SEPTIN10: variants seen among roughly 807,000 people sequenced by gnomAD.
The protein encoded by SEPTIN10 is septin 10.
In SEPTIN10, 66 loss-of-function variants were observed where a neutral mutation model predicts 54.8. That is an observed-to-expected ratio of 1.21 (90% CI 0.99 to 1.48). The LOEUF (loss-of-function observed/expected upper bound fraction) is 1.48. Ranked by LOEUF, SEPTIN10 falls within the 40% of genes most tolerant of loss-of-function variation. The pLI, the probability that SEPTIN10 is intolerant of heterozygous loss-of-function variation, is 0.00. For missense variants in SEPTIN10, 620 were observed against 545.6 expected (o/e 1.14, Z -1.36); for synonymous variants, 161 against 181.0 (o/e 0.89, Z 0.89).
chr2:109,569,564 A>G (rs1222689834), intron 5 of SEPTIN10, among the ~76,000 whole-genome samples: 1 of 152,168 alleles, frequency 6.6e-6, no homozygotes, highest in South Asian at 2.1e-4. Flanking sequence ...CAAGGAGAGA[A>G]ATTTTTTCTG....
intron 4 of SEPTIN10, among the ~76,000 whole-genome samples, chr2:109,579,479 G>T (rs1690573484): frequency 6.6e-6 from 1 of 151,716 alleles, no homozygotes; most frequent in Non-Finnish European, 1.5e-5. Flanking sequence ...TGCCTCCTGG[G>T]TTCAAGTGGT....
At chr2:109,596,830 A>G (rs1443024487) in intron 1 of SEPTIN10, among the ~76,000 whole-genome samples, 1 of 152,216 alleles carries the variant, frequency 6.6e-6, no homozygotes, top group Non-Finnish European at 1.5e-5. Flanking sequence ...AATGAGTCAC[A>G]TTAAAGTAAT....
In SEPTIN10 at chr2:109,544,229, C is replaced by G. The variant is rs1156554662; in HGVS notation, c.*80G>C. 6.2e-7 allele frequency: 1 copy of G among 1,611,272 alleles called. No homozygotes were observed. The highest frequency in any genetic ancestry group is 1.3e-5 in the African/African-American group (1 of 74,846). On this transcript the variant is annotated 3_prime_UTR_variant, in exon 11 of 11. Transcript: ENST00000397712. ...ATAGAAGTGATAAAACAAATAACAG[C>G]AAAATCAAAGCACACTTCTAGTTTT...
intron 1 of SEPTIN10, among the ~76,000 whole-genome samples, chr2:109,610,469 C>G (rs1159841774): frequency 6.6e-6 from 1 of 152,116 alleles, no homozygotes; most frequent in Non-Finnish European, 1.5e-5. Context: ...AATCCCAACA[C>G]TTCGGGAGAC....
intron 2 of SEPTIN10, among the ~76,000 whole-genome samples, chr2:109,588,477 T>C (rs1693116142): frequency 6.6e-6 from 1 of 152,146 alleles, no homozygotes; most frequent in African/African-American, 2.4e-5. Context: ...GTTTCTACAG[T>C]ATACATAAAG....
rs55880328 is a variant in SEPTIN10, at chr2:109,582,075, G to GACACACAC, written c.413+3043_413+3050dup. Among the ~76,000 whole-genome samples the GACACACAC allele has an allele frequency of 2.7e-3, 383 of 143,870 alleles. 1 individual carries two copies. The highest frequency in any genetic ancestry group is 8.9e-3 in the African/African-American group (353 of 39,820). 94.4% of individuals were successfully genotyped at this position (143,870 alleles called of 152,430 possible). A position where few individuals can be genotyped will look rare whatever the true frequency, so the allele number is the denominator to read the frequency against. The stretch of plus-strand genomic sequence containing the variant: ...CAAGAACACAATGCCATGTACAACA[G>GACACACAC]ACACACACACACACACACACACACA... On this transcript the variant is annotated intron_variant, in intron 4 of 10. Coordinates refer to ENST00000397712, the MANE Select transcript of SEPTIN10 (RefSeq NM_144710.5).
intron 2 of SEPTIN10, among the ~76,000 whole-genome samples, chr2:109,592,702 C>T (rs1220249669): frequency 1.3e-5 from 2 of 151,228 alleles, no homozygotes; most frequent in African/African-American, 4.9e-5. Flanking sequence ...ATCGCTTGAA[C>T]CCGGGAGGCA....
At chr2:109,565,221 A>T (rs978072355) in intron 7 of SEPTIN10, among the ~76,000 whole-genome samples, 1 of 152,162 alleles carries the variant, frequency 6.6e-6, no homozygotes, top group African/African-American at 2.4e-5. Context: ...TAAGAAAAAA[A>T]ATCAGCATTT....
chr2:109,544,360 T>A (rs56213975), intron 10 of SEPTIN10, 36 bp from the exon 11 acceptor site: 6 of 1,556,806 alleles, frequency 3.9e-6, no homozygotes, highest in East Asian at 2.2e-5. Flanking sequence ...TGGTACAATT[T>A]AAAAAAAATT....
chr2:109,588,518 G>C (rs1436231350), intron 2 of SEPTIN10, among the ~76,000 whole-genome samples: 1 of 151,992 alleles, frequency 6.6e-6, no homozygotes, highest in Non-Finnish European at 1.5e-5. Context: ...TTTTAAGATG[G>C]AGTTTTGCTC....
In SEPTIN10 at chr2:109,544,111, A is replaced by C. The variant is rs1184239088; in HGVS notation, c.*198T>G. 6.6e-7 allele frequency: 1 copy of C among 1,504,414 alleles called. No homozygotes were observed. The highest frequency in any genetic ancestry group is 8.9e-7 in the Non-Finnish European group (1 of 1,125,600). The allele number at this position is 1,504,414 out of a possible 1,614,324, so 93.2% of individuals were successfully genotyped here. On this transcript the variant is annotated 3_prime_UTR_variant, in exon 11 of 11. Transcript: ENST00000397712. ...TCAGATTTTTGAATTAGAGATGCTC[A>C]ACTTGTAGTATCATTCACTCTGGCT...
At position 109,543,392 on chromosome 2, in the gene SEPTIN10, TC is replaced by T. The variant is rs1680422940; in HGVS notation, c.*916del. 1.3e-5 allele frequency: 2 copies of T among 152,164 alleles called. No individual in the cohort carries two copies. The highest frequency in any genetic ancestry group is 2.9e-5 in the Non-Finnish European group (2 of 68,018). The allele number at this position is 152,164 out of a possible 1,614,324, so 9.4% of individuals were successfully genotyped here. On this transcript the variant is annotated 3_prime_UTR_variant, in exon 11 of 11. Coordinates refer to ENST00000397712, the MANE Select transcript of SEPTIN10 (RefSeq NM_144710.5). Reference sequence around the variant, plus strand: ...TTTTAACTTTTAAAGATATTTTGTTTCACCACAGTAATACGTCAGCCATAAT... The same window carrying T: ...TTTTAACTTTTAAAGATATTTTGTTTACCACAGTAATACGTCAGCCATAAT...
At position 109,564,488 on chromosome 2, in the gene SEPTIN10, G is replaced by A. The variant is rs746960268; in HGVS notation, c.906C>T (p.Leu302=). ...HCDFVKLREM[L]ICTNMEDLRE... Reference sequence around the variant, plus strand: ...GCAGGTCCTCCATATTTGTACAAATGAGCATTTCCCGCAGCTTTACAAAGT... The same window carrying A: ...GCAGGTCCTCCATATTTGTACAAATAAGCATTTCCCGCAGCTTTACAAAGT... The change falls in exon 8 of 11, where the codon CTC becomes CTT. Residue 302 remains leucine, a synonymous_variant. Transcript: ENST00000397712. 7.0e-6 allele frequency: 11 copies of A among 1,569,954 alleles called. No homozygotes were observed. The East Asian group carries it at 1.8e-4, about 26-fold the overall frequency.
chr2:109,571,322 G>C (rs1287914349), intron 5 of SEPTIN10, among the ~76,000 whole-genome samples: 1 of 152,166 alleles, frequency 6.6e-6, no homozygotes, highest in African/African-American at 2.4e-5. Flanking sequence ...ATAGAAATAT[G>C]ATCTTAGGTG....
chr2:109,599,578 C>G (rs1393604835), intron 1 of SEPTIN10, among the ~76,000 whole-genome samples: 2 of 151,972 alleles, frequency 1.3e-5, no homozygotes. Context: ...GGTGTCAGTA[C>G]AGCAAGGCTT....
At chr2:109,575,833 G>T (rs1185155287) in intron 4 of SEPTIN10, among the ~76,000 whole-genome samples, 1 of 152,152 alleles carries the variant, frequency 6.6e-6, no homozygotes, top group Non-Finnish European at 1.5e-5. Flanking sequence ...CTTCTATAAA[G>T]TTGCCCGACC....
At position 109,578,238 on chromosome 2, in the gene SEPTIN10, A is replaced by G. The variant is rs76098696; in HGVS notation, c.414-3471T>C. 1.1e-4 allele frequency among the ~76,000 whole-genome samples: 16 copies of G among 152,334 alleles called. No individual in the cohort carries two copies. In the East Asian group the frequency reaches 3.1e-3, roughly 29 times the overall value. On this transcript the variant is annotated intron_variant, in intron 4 of 10. Coordinates refer to ENST00000397712, the MANE Select transcript of SEPTIN10 (RefSeq NM_144710.5). ...GGAATTACACGATCAAATAAAGGGT[A>G]ACCATTGTCAGATTGTGTTTTAAAA...
intron 9 of SEPTIN10, among the ~76,000 whole-genome samples, chr2:109,549,306 T>C (rs1023162256): frequency 6.6e-6 from 1 of 152,184 alleles, no homozygotes; most frequent in Admixed American, 6.5e-5. Flanking sequence ...GGAGGTTGCA[T>C]ACCTCACATG....
chr2:109,574,724 A>G lies in SEPTIN10; in HGVS notation c.457T>C (p.Tyr153His). 1 of 1,604,752 alleles carries G rather than the reference A, an allele frequency of 6.2e-7. No homozygotes were observed. Among genetic ancestry groups the G allele is most frequent in the Non-Finnish European group, 8.5e-7 (1 of 1,175,628 alleles). Residue 153 changes from tyrosine (Y) to histidine (H), a missense_variant, in exon 5 of 11, where the codon TAT becomes CAT. Tyr to His is a moderately conservative substitution (Grantham distance 83). Coordinates refer to ENST00000397712, the MANE Select transcript of SEPTIN10 (RefSeq NM_144710.5). The part of the protein sequence containing the change: ...VDYIDAQFEA[Y>H]LQEELKIKRS... Reference sequence around the variant, plus strand: ...TTAATCTTCAGTTCTTCTTGGAGATAGGCCTCAAACTGAGCATCTATGTAG... The same window carrying G: ...TTAATCTTCAGTTCTTCTTGGAGATGGGCCTCAAACTGAGCATCTATGTAG...
Sources: gnomAD v4.1 joint callset for allele counts (sites outside exome capture counted in the v4.1 genomes callset) on GRCh38, gnomAD v4.1.1 for gene constraint, MANE v1.5 for transcripts, NCBI Gene and HGNC (gene_info 2026-07-23, HGNC 2026-07-21) for gene names.